Variants in F8 observed in about 807,000 individuals in gnomAD.
F8 encodes antihemophilic factor.
F8 carries 12 observed loss-of-function variants against 140.6 expected under a neutral mutation model. The observed-to-expected ratio is 0.09, with a 90% confidence interval of 0.05 to 0.14. The LOEUF (loss-of-function observed/expected upper bound fraction) is 0.14. F8 is among the 10% of genes least tolerant of loss of function. F8 has a pLI of 1.00. For missense variants in F8, 1,354 were observed against 1,720.7 expected (o/e 0.79, Z 3.77); for synonymous variants, 585 against 614.6 (o/e 0.95, Z 0.71).
chrX:154,985,875 G>C (rs1232673966), intron 5 of F8, among the ~76,000 whole-genome samples: 4 of 112,301 alleles, frequency 3.6e-5, no homozygotes, highest in Non-Finnish European at 7.5e-5. Flanking sequence ...ACAGGGAGCA[G>C]AGAGGAGAAG....
intron 1 of F8, among the ~76,000 whole-genome samples, chrX:155,006,197 C>T (rs1270142309): frequency 5.6e-5 from 6 of 107,017 alleles, no homozygotes; most frequent in African/African-American, 1.4e-4. Context: ...TCTGTGGAAA[C>T]GCTGCCACAC....
intron 25 of F8, among the ~76,000 whole-genome samples, chrX:154,839,688 T>C (rs1677867670): frequency 9.0e-6 from 1 of 111,517 alleles, no homozygotes; most frequent in African/African-American, 3.3e-5. Flanking sequence ...GGACTCTTTT[T>C]TGTTCTAAAT....
intron 22 of F8, among the ~76,000 whole-genome samples, chrX:154,891,584 C>A (rs1428673265): frequency 8.9e-6 from 1 of 112,338 alleles, no homozygotes; most frequent in Non-Finnish European, 1.9e-5. Context: ...TCCCTTGAGT[C>A]TATATTATGA....
intron 1 of F8, among the ~76,000 whole-genome samples, chrX:155,002,159 T>C (rs2073649692): frequency 8.9e-6 from 1 of 112,606 alleles, no homozygotes; most frequent in Non-Finnish European, 1.9e-5. Flanking sequence ...TGTCGTAGCA[T>C]GTGTCAGAAT....
At chrX:154,863,006 G>T in intron 23 of F8, 77 bp downstream of exon 23, 2 of 1,108,142 alleles carry the variant, frequency 1.8e-6, no homozygotes, top group African/African-American at 1.8e-5. Context: ...CCCTCCCCCA[G>T]TCTCAGGATA....
chrX:154,847,210 C>G (rs2072574476), intron 25 of F8, among the ~76,000 whole-genome samples: 2 of 111,961 alleles, frequency 1.8e-5, no homozygotes, highest in Admixed American at 9.5e-5. Flanking sequence ...TCTGGCTGCC[C>G]TTAACATTTT....
intron 14 of F8, among the ~76,000 whole-genome samples, chrX:154,916,323 T>C (rs2073097342): frequency 8.9e-6 from 1 of 112,293 alleles, no homozygotes; most frequent in African/African-American, 3.2e-5. Context: ...GCTGGTCTTG[T>C]AGAATGAGTT....
At chrX:154,977,197 G>A (rs2124119738) in intron 6 of F8, among the ~76,000 whole-genome samples, 1 of 111,775 alleles carries the variant, frequency 8.9e-6, no homozygotes, top group African/African-American at 3.2e-5. Context: ...TGTTTTTGAT[G>A]TCATCATTTA....
intron 10 of F8, among the ~76,000 whole-genome samples, chrX:154,957,811 G>A (rs2073372605): frequency 9.4e-6 from 1 of 106,382 alleles, no homozygotes; most frequent in Non-Finnish European, 1.9e-5. Context: ...GCTTGAACCT[G>A]GGAGGCAGAG....
At chrX:154,920,649 C>T (rs782816997) in intron 14 of F8, among the ~76,000 whole-genome samples, 2 of 110,596 alleles carry the variant, frequency 1.8e-5, no homozygotes, top group South Asian at 7.7e-4. Context: ...GATGAGATCT[C>T]ACTATCCTGC....
chrX:154,844,195 C>T (rs1276267901), intron 25 of F8, among the ~76,000 whole-genome samples: 4 of 111,515 alleles, frequency 3.6e-5, no homozygotes, highest in Non-Finnish European at 5.7e-5. Flanking sequence ...TTACTGTAGC[C>T]GTGTAGTATA....
At position 154,939,360 on chromosome X, in the gene F8, G is replaced by T. The variant is rs191237377; in HGVS notation, c.2114-7684C>A. On this transcript the variant is annotated intron_variant, in intron 13 of 25. Transcript: ENST00000360256. The stretch of plus-strand genomic sequence containing the variant: ...ACGGGCTTAACAAACGGCACACCAG[G>T]AGATTATATCCTGCACCTGGCTCAG... 8.0e-5 allele frequency among the ~76,000 whole-genome samples: 9 copies of T among 112,730 alleles called. No individual in the cohort carries two copies. In the East Asian group the frequency reaches 2.2e-3, roughly 28 times the overall value.
In F8 at chrX:154,931,471, C is replaced by T; in HGVS notation, c.2319G>A (p.Lys773=). 3 of 1,211,514 alleles carry T rather than the reference C, an allele frequency of 2.5e-6. No individual in the cohort carries two copies. Among genetic ancestry groups the T allele is most frequent in the Admixed American group, 2.2e-5 (1 of 46,054 alleles). The change falls in exon 14 of 26, where the codon AAG becomes AAA. Residue 773 remains lysine, a synonymous_variant. Coordinates refer to ENST00000360256, the MANE Select transcript of F8 (RefSeq NM_000132.4). ...CTGGAATTGTGGTGGCATTAAATTGCTTTTGCCTAGTGCTAGGGTGTCTTG... is the reference window on the plus strand; with the variant it reads ...CTGGAATTGTGGTGGCATTAAATTGTTTTTGCCTAGTGCTAGGGTGTCTTG... ...QNSRHPSTRQ[K]QFNATTIPEN...
intron 13 of F8, among the ~76,000 whole-genome samples, chrX:154,936,739 CA>C (rs781965506): frequency 2.7e-4 from 30 of 111,816 alleles, no homozygotes; most frequent in African/African-American, 9.1e-4. Context: ...ACATAATAGG[CA>C]AATATATGAC....
chrX:154,943,551 C>T (rs1394864630), intron 13 of F8, among the ~76,000 whole-genome samples: 1 of 111,847 alleles, frequency 8.9e-6, no homozygotes, highest in Non-Finnish European at 1.9e-5. Flanking sequence ...ATTCCATGCT[C>T]ATGGGTAGGA....
intron 12 of F8, among the ~76,000 whole-genome samples, chrX:154,950,536 C>T (rs1216210980): frequency 9.0e-6 from 1 of 111,490 alleles, no homozygotes; most frequent in Non-Finnish European, 1.9e-5. Context: ...TCTTCTCTAT[C>T]CAATCTTTTT....
At chrX:154,859,997 T>C (rs1557272721) in intron 25 of F8, among the ~76,000 whole-genome samples, 1 of 111,799 alleles carries the variant, frequency 8.9e-6, no homozygotes, top group Non-Finnish European at 1.9e-5. Flanking sequence ...CACATCATGG[T>C]TAATTCTTGG....
chrX:155,008,344 A>G (rs1557286244), intron 1 of F8, among the ~76,000 whole-genome samples: 1 of 112,128 alleles, frequency 8.9e-6, no homozygotes, highest in African/African-American at 3.2e-5. Flanking sequence ...CAGCTCTGGG[A>G]CCCGCAGCAG....
At chrX:154,954,687 T>C (rs1394313536) in intron 11 of F8, among the ~76,000 whole-genome samples, 2 of 111,965 alleles carry the variant, frequency 1.8e-5, no homozygotes, top group Non-Finnish European at 3.8e-5. Context: ...CTCACTAATA[T>C]GTATAAACCT....
Sources: gnomAD v4.1 joint callset for allele counts (sites outside exome capture counted in the v4.1 genomes callset) on GRCh38, gnomAD v4.1.1 for gene constraint, MANE v1.5 for transcripts, NCBI Gene and HGNC (gene_info 2026-07-23, HGNC 2026-07-21) for gene names.